RGS6: variants seen among roughly 807,000 people sequenced by gnomAD.
The protein encoded by RGS6 is regulator of G-protein signaling 6.
Under a neutral mutation model 78.5 loss-of-function variants are expected in RGS6, and 30 were observed. The ratio of observed to expected loss-of-function variants is 0.38; its 90% CI spans 0.29 to 0.52. The LOEUF (loss-of-function observed/expected upper bound fraction) is 0.52. Among genes scored for constraint, RGS6 ranks in the 20% least tolerant of loss-of-function variants. The pLI, the probability that RGS6 is intolerant of heterozygous loss-of-function variation, is 0.85. For synonymous variants in RGS6, 206 were observed against 206.0 expected, an observed-to-expected ratio of 1.00 and a Z score of 0.00; for missense variants, 495 against 609.7, an observed-to-expected ratio of 0.81 and a Z score of 1.98.
rs10135828 is a variant in RGS6 at position 72,218,736 on chromosome 14, C to T, written c.85-133359C>T. 2.1e-3 allele frequency among the ~76,000 whole-genome samples: 314 copies of T among 152,152 alleles called. 1 individual carries two copies. Among genetic ancestry groups the T allele is most frequent in the African/African-American group, 7.2e-3 (298 of 41,540 alleles). On this transcript the variant is annotated intron_variant, in intron 2 of 17. Coordinates refer to ENST00000553525, the MANE Select transcript of RGS6 (RefSeq NM_001204424.2). ...AAGTGATTCTCCTGTCTCAGCCTCC[C>T]AAGTAGCTGGGACTACAGGTGCACA...
chr14:71,918,255 T>C, the RGS6 span, among the ~76,000 whole-genome samples: 78 of 133,860 alleles, frequency 5.8e-4, 3 homozygotes, highest in South Asian at 0.02. Context: ...TTGGAGGAAC[T>C]CTCGAACTGT....
intron 3 of RGS6, among the ~76,000 whole-genome samples, chr14:72,432,992 C>T (rs1165920665): frequency 1.3e-5 from 2 of 152,142 alleles, no homozygotes; most frequent in Non-Finnish European, 2.9e-5. Flanking sequence ...GTTGTAGCTC[C>T]GTCTGGGGAG....
the RGS6 span, among the ~76,000 whole-genome samples, chr14:72,610,213 A>C: frequency 3.6e-3 from 550 of 152,338 alleles, 3 homozygotes; most frequent in Non-Finnish European, 7.0e-3. Flanking sequence ...GGAGGCAGCA[A>C]TTGGAGATCT....
At chr14:72,420,879 T>C (rs1385659350) in intron 3 of RGS6, 4 of 152,228 alleles carry the variant, frequency 2.6e-5, no homozygotes, top group Non-Finnish European at 5.9e-5. Context: ...CTGGCAGTTT[T>C]TCTTAACTGA....
intron 2 of RGS6, among the ~76,000 whole-genome samples, chr14:72,296,401 GA>G (rs1397148263): frequency 2.6e-5 from 4 of 152,044 alleles, no homozygotes; most frequent in African/African-American, 4.8e-5. Flanking sequence ...TATCTTTTAA[GA>G]AAAAAACTAT....
chr14:71,967,290 T>C (rs1034790742), intron 2 of RGS6, among the ~76,000 whole-genome samples: 5 of 151,970 alleles, frequency 3.3e-5, no homozygotes, highest in Non-Finnish European at 5.9e-5. Context: ...GACACACTTA[T>C]TGCACAGTGT....
the RGS6 span, chr14:72,629,521 G>A: frequency 8.9e-7 from 1 of 1,129,742 alleles, no homozygotes; most frequent in South Asian, 1.4e-5. Flanking sequence ...CAGGGTAACA[G>A]GCCCCAGGGG....
At chr14:72,561,862 A>C (rs1223196944) in intron 17 of RGS6, among the ~76,000 whole-genome samples, 2 of 152,062 alleles carry the variant, frequency 1.3e-5, no homozygotes, top group Admixed American at 1.3e-4. Flanking sequence ...AATGCCCCCC[A>C]CTTTCATGGT....
chr14:72,228,466 A>G (rs1409704472), intron 2 of RGS6, among the ~76,000 whole-genome samples: 2 of 152,198 alleles, frequency 1.3e-5, no homozygotes, highest in African/African-American at 4.8e-5. Flanking sequence ...GTTAGTAGGG[A>G]CCCATTGGAG....
chr14:72,222,291 C>G (rs776274285), intron 2 of RGS6, among the ~76,000 whole-genome samples: 2 of 152,238 alleles, frequency 1.3e-5, no homozygotes, highest in African/African-American at 4.8e-5. Context: ...AGGGAATTCT[C>G]CAGGTAAATG....
At chr14:71,965,835 T>G (rs974243097) in intron 2 of RGS6, among the ~76,000 whole-genome samples, 5 of 152,270 alleles carry the variant, frequency 3.3e-5, no homozygotes, top group African/African-American at 1.2e-4. Context: ...GAAATCACCT[T>G]CAGAATTAAG....
chr14:72,052,921 G>A (rs2093338231), intron 2 of RGS6, among the ~76,000 whole-genome samples: 1 of 144,534 alleles, frequency 6.9e-6, no homozygotes, highest in African/African-American at 2.5e-5. Context: ...GAGTTTCATT[G>A]TATTTTTCTT....
At chr14:72,342,529 T>C (rs2077198864) in intron 2 of RGS6, among the ~76,000 whole-genome samples, 2 of 149,284 alleles carry the variant, frequency 1.3e-5, no homozygotes, top group Non-Finnish European at 3.0e-5. Flanking sequence ...CACTGTACTC[T>C]AGCCTGGGTG....
At chr14:72,459,388 T>C (rs560025468) in intron 5 of RGS6, among the ~76,000 whole-genome samples, 5 of 152,358 alleles carry the variant, frequency 3.3e-5, no homozygotes, top group African/African-American at 9.6e-5. Flanking sequence ...TAAGAATATA[T>C]TGCCCTGTGA....
At chr14:72,189,128 T>A (rs1210746270) in intron 2 of RGS6, among the ~76,000 whole-genome samples, 1 of 152,208 alleles carries the variant, frequency 6.6e-6, no homozygotes, top group Non-Finnish European at 1.5e-5. Context: ...CACTCAACTC[T>A]GCCATTGTAG....
chr14:72,487,660 G>C (rs2096514262), intron 12 of RGS6, among the ~76,000 whole-genome samples: 1 of 152,216 alleles, frequency 6.6e-6, no homozygotes, highest in Admixed American at 6.5e-5. Flanking sequence ...AATGCAGGGA[G>C]CCTCTAGAAG....
At chr14:72,530,684 T>C (rs1370417571) in intron 15 of RGS6, among the ~76,000 whole-genome samples, 1 of 152,040 alleles carries the variant, frequency 6.6e-6, no homozygotes. Flanking sequence ...GAGCGAAGAC[T>C]CCATCTCAAA....
At chr14:72,417,102 A>G (rs2093870360) in intron 3 of RGS6, among the ~76,000 whole-genome samples, 1 of 152,148 alleles carries the variant, frequency 6.6e-6, no homozygotes, top group South Asian at 2.1e-4. Context: ...GCCACTCCCT[A>G]AGCATGCCAC....
chr14:72,379,270 A>G (rs2085459985), intron 3 of RGS6, among the ~76,000 whole-genome samples: 1 of 152,142 alleles, frequency 6.6e-6, no homozygotes, highest in African/African-American at 2.4e-5. Context: ...TAAGAACTGG[A>G]AAAAGACAAG....
Sources: allele counts gnomAD v4.1 joint callset (sites outside exome capture counted in the v4.1 genomes callset), GRCh38; gene constraint gnomAD v4.1.1; transcripts MANE v1.5; gene names NCBI Gene and HGNC (gene_info 2026-07-23, HGNC 2026-07-21).